Variants in SMG7 observed in about 807,000 individuals in gnomAD.
SMG7 encodes the protein SMG7 nonsense mediated mRNA decay factor.
In SMG7, 34 loss-of-function variants were observed where a neutral mutation model predicts 148.2. The observed-to-expected ratio is 0.23, with a 90% CI of 0.17 to 0.31. SMG7 has a LOEUF of 0.31. Among genes scored for constraint, SMG7 ranks in the 10% least tolerant of loss-of-function variants. The probability of loss-of-function intolerance (pLI) is 1.00; values close to 1 mark genes in which losing one functional copy is unlikely to be tolerated. For synonymous variants in SMG7, 492 were observed against 515.1 expected (o/e 0.96, Z 0.61); for missense variants, 1,114 against 1,408.4 (o/e 0.79, Z 3.35).
At chr1:183,484,360 ATTT>A (rs35414239) in intron 1 of SMG7, among the ~76,000 whole-genome samples, 2 of 144,956 alleles carry the variant, frequency 1.4e-5, no homozygotes, top group Non-Finnish European at 1.5e-5. Context: ...CTGAAAAAAA[ATTT>A]TTTTTTTTTT....
At chr1:183,547,653 A>T (rs767257446) in intron 18 of SMG7, among the ~76,000 whole-genome samples, 96 of 152,306 alleles carry the variant, frequency 6.3e-4, no homozygotes, top group Admixed American at 3.3e-3. Flanking sequence ...ATGAAAGGAA[A>T]TATGTTCTTG....
Position 183,533,226 on chromosome 1 carries a change from G to A in SMG7, c.906G>A (p.Leu302=). The change falls in exon 9 of 23, where the codon CTG becomes CTA. Residue 302 remains leucine, a synonymous_variant. Coordinates refer to ENST00000688051, the MANE Select transcript of SMG7 (RefSeq NM_001375584.1). Reference sequence around the variant, plus strand: ...TAGTTCATGTCACTGTCATTAACCTGTTTCAACTTCATCACCTTCGTGACT... The same window carrying A: ...TAGTTCATGTCACTGTCATTAACCTATTTCAACTTCATCACCTTCGTGACT... ...QQLVHVTVIN[L]FQLHHLRDFS... is the part of the protein sequence containing the mutation. The A allele has an allele frequency of 6.2e-7, 1 of 1,613,962 alleles. No individual in the cohort carries two copies. The highest frequency in any genetic ancestry group is 8.5e-7 in the Non-Finnish European group (1 of 1,179,858).
intron 8 of SMG7, among the ~76,000 whole-genome samples, chr1:183,531,439 GACTCTCT>G (rs1287683635): frequency 6.6e-6 from 1 of 152,108 alleles, no homozygotes; most frequent in Non-Finnish European, 1.5e-5. Flanking sequence ...TTCCTTGGAA[GACTCTCT>G]ACAATATAAT....
chr1:183,526,974 T>G (rs1265472725), intron 5 of SMG7, among the ~76,000 whole-genome samples: 1 of 152,222 alleles, frequency 6.6e-6, no homozygotes, highest in African/African-American at 2.4e-5. Context: ...ACTTTCATAT[T>G]AAGATTTAAA....
chr1:183,521,112 G>A (rs957542012), intron 4 of SMG7, among the ~76,000 whole-genome samples: 1 of 139,704 alleles, frequency 7.2e-6, no homozygotes, highest in Non-Finnish European at 1.5e-5. Flanking sequence ...TTGCTCTGTT[G>A]CCCAGGCTGG....
intron 1 of SMG7, among the ~76,000 whole-genome samples, chr1:183,502,879 G>A (rs1186510806): frequency 6.6e-6 from 1 of 152,168 alleles, no homozygotes; most frequent in Admixed American, 6.5e-5. Flanking sequence ...AAGCCCTCTT[G>A]TACATGTGAA....
intron 1 of SMG7, among the ~76,000 whole-genome samples, chr1:183,486,198 A>G (rs1295190751): frequency 1.3e-5 from 2 of 152,250 alleles, no homozygotes; most frequent in Non-Finnish European, 2.9e-5. Flanking sequence ...CCTTAGAACC[A>G]TACTGACACC....
rs543475873 is a variant in SMG7, at chr1:183,541,579, T to TC, written c.1415+478dup. Among the ~76,000 whole-genome samples, 10 of 152,168 alleles carry TC rather than the reference T, an allele frequency of 6.6e-5. No individual in the cohort carries two copies. The South Asian group carries it at 2.1e-3, about 32-fold the overall frequency. On this transcript the variant is annotated intron_variant, in intron 13 of 22. Coordinates refer to ENST00000688051, the MANE Select transcript of SMG7 (RefSeq NM_001375584.1). ...CATTGGTTTGAGTTCCGTTTCGAGTTCCGCAGCTTCTCAAGTGGGTGTCCT... is the reference window on the plus strand; with the variant it reads ...CATTGGTTTGAGTTCCGTTTCGAGTTCCCGCAGCTTCTCAAGTGGGTGTCCT...
chr1:183,478,247 C>T (rs541504282), intron 1 of SMG7, among the ~76,000 whole-genome samples: 24 of 152,230 alleles, frequency 1.6e-4, no homozygotes, highest in African/African-American at 5.5e-4. Context: ...ATGTGGTCCA[C>T]GAAGTCTTCT....
Position 183,552,709 on chromosome 1 carries a change from G to A in SMG7, c.*778G>A. 1 of 1,273,642 alleles carries A rather than the reference G, an allele frequency of 7.9e-7. No homozygotes were observed. Among genetic ancestry groups the A allele is most frequent in the Non-Finnish European group, 1.0e-6 (1 of 1,002,762 alleles). The allele number at this position is 1,273,642 out of a possible 1,614,324, so 78.9% of individuals were successfully genotyped here. A position where few individuals can be genotyped will look rare whatever the true frequency, so the allele number is the denominator to read the frequency against. On this transcript the variant is annotated 3_prime_UTR_variant, in exon 23 of 23. Coordinates refer to ENST00000688051, the MANE Select transcript of SMG7 (RefSeq NM_001375584.1). The stretch of plus-strand genomic sequence containing the variant: ...GCTGGGCTGGACTAGCAGGTAGACT[G>A]CTGTAGGATTTCAAATTACGTTTTT...
In SMG7 at chr1:183,545,018, A is replaced by G. The variant is rs148022443; in HGVS notation, c.2076A>G (p.Pro692=). 3.8e-3 allele frequency: 6,167 copies of G among 1,613,818 alleles called. 66 individuals are homozygous for G. Among genetic ancestry groups the G allele is most frequent in the Non-Finnish European group, 3.2e-3 (3,789 of 1,179,928 alleles). Residue 692 remains proline, a synonymous_variant, in exon 16 of 23, where the codon CCA becomes CCG. Coordinates refer to ENST00000688051, the MANE Select transcript of SMG7 (RefSeq NM_001375584.1). The part of the protein sequence containing the change: ...GYTFPAGVSV[P]GTFLQPTAHS... ...CCTTCCCAGCTGGTGTTTCTGTCCC[A>G]GGAACCTTTCTTCAGCCTACAGCTC...
At chr1:183,539,281 A>G (rs1022643180) in intron 12 of SMG7, among the ~76,000 whole-genome samples, 2 of 152,078 alleles carry the variant, frequency 1.3e-5, no homozygotes, top group East Asian at 1.9e-4. Flanking sequence ...TCTTTATCCT[A>G]TTGAATTTTC....
Position 183,492,223 on chromosome 1 carries a change from A to G in SMG7, c.29+19574A>G, listed in dbSNP as rs1355506536. On this transcript the variant is annotated intron_variant, in intron 1 of 22. Transcript: ENST00000688051. ...TGATGTATACTATTGTTTGAGGTTA[A>G]TTTTTTTCTAGTTTTAAAATTTTCA... Among the ~76,000 whole-genome samples the G allele has an allele frequency of 3.3e-5, 5 of 152,112 alleles. No individual in the cohort carries two copies. The South Asian group carries it at 8.3e-4, about 25-fold the overall frequency.
At chr1:183,533,123 G>A (rs1667159669) in intron 8 of SMG7, 41 bp from the exon 9 acceptor site, 1 of 1,574,912 alleles carries the variant, frequency 6.3e-7, no homozygotes, top group South Asian at 1.1e-5. Context: ...GATGGTTCCT[G>A]TTCTTGATAA....
chr1:183,510,678 CAA>C (rs1380240434), intron 1 of SMG7, among the ~76,000 whole-genome samples: 1 of 151,862 alleles, frequency 6.6e-6, no homozygotes, highest in Admixed American at 6.6e-5. Flanking sequence ...TTTAATGAAA[CAA>C]ATTTATTAGG....
intron 1 of SMG7, among the ~76,000 whole-genome samples, chr1:183,512,014 A>G (rs551993949): frequency 6.6e-6 from 1 of 152,312 alleles, no homozygotes; most frequent in East Asian, 1.9e-4. Context: ...TCCTGAGTTC[A>G]GTTTTGGACC....
intron 20 of SMG7, among the ~76,000 whole-genome samples, chr1:183,550,246 T>G (rs1670755547): frequency 3.3e-5 from 5 of 152,300 alleles, no homozygotes. Flanking sequence ...AATTGCACTT[T>G]TTTTTTTGAG....
intron 4 of SMG7, among the ~76,000 whole-genome samples, chr1:183,519,560 A>G (rs917075995): frequency 1.3e-5 from 2 of 151,976 alleles, no homozygotes; most frequent in African/African-American, 2.4e-5. Flanking sequence ...GAAAAGATGG[A>G]TACATTAGTA....
At chr1:183,500,212 G>T (rs1185120744) in intron 1 of SMG7, among the ~76,000 whole-genome samples, 1 of 152,008 alleles carries the variant, frequency 6.6e-6, no homozygotes, top group African/African-American at 2.4e-5. Flanking sequence ...ATTATGTTCT[G>T]TTTGAAGTTT....
Sources: allele counts gnomAD v4.1 joint callset (sites outside exome capture counted in the v4.1 genomes callset), GRCh38; gene constraint gnomAD v4.1.1; transcripts MANE v1.5; gene names NCBI Gene and HGNC (gene_info 2026-07-23, HGNC 2026-07-21).